Variants in STAP2 observed in about 807,000 individuals in gnomAD.
STAP2 encodes the protein signal-transducing adaptor protein 2.
A neutral mutation model predicts 52.7 loss-of-function variants in STAP2; 58 were observed. The observed-to-expected ratio is 1.10, with a 90% CI of 0.89 to 1.37. The LOEUF (loss-of-function observed/expected upper bound fraction) is 1.37. Among genes scored for constraint, STAP2 ranks in the 40% most tolerant of loss-of-function variants. The pLI, the probability that STAP2 is intolerant of heterozygous loss-of-function variation, is 0.00. For missense variants in STAP2, 522 were observed against 519.4 expected (o/e 1.00, Z -0.05); for synonymous variants, 231 against 210.5 (o/e 1.10, Z -0.84).
At chr19:4,329,417 C>A (rs1055854546) in intron 5 of STAP2, among the ~76,000 whole-genome samples, 1 of 151,972 alleles carries the variant, frequency 6.6e-6, no homozygotes, top group African/African-American at 2.4e-5. Flanking sequence ...GCTCTTAATT[C>A]TGGCCCCGGA....
In STAP2 at chr19:4,334,292, T is replaced by C. The variant is rs955990184; in HGVS notation, c.103-248A>G. Among the ~76,000 whole-genome samples the C allele has an allele frequency of 2.6e-5, 4 of 152,128 alleles. No homozygotes were observed. The South Asian group carries it at 8.3e-4, about 32-fold the overall frequency. ...AGGACCAGACGGAACCTCGATGTGA[T>C]GAGGGATTCAGAGCAACCCCCGCCA... On this transcript the variant is annotated intron_variant, in intron 1 of 12. Transcript: ENST00000594605.
Position 4,328,781 on chromosome 19 carries a change from C to T in STAP2, c.484G>A (p.Ala162Thr). ...SCFLKVSRLEAQLLLERYPEC... is the reference protein window; with the variant it reads ...SCFLKVSRLETQLLLERYPEC... ...GGGTAGCGCTCCAGGAGCAGTTGTG[C>T]CTCCAGCCGGCTCACCTTCAGGAAG... The change falls in exon 6 of 13, where the codon GCA becomes ACA. Residue 162 changes from alanine (A) to threonine (T), a missense_variant. Coordinates refer to ENST00000594605, the MANE Select transcript of STAP2 (RefSeq NM_001013841.2). The T allele has an allele frequency of 1.2e-6, 2 of 1,611,244 alleles. No homozygotes were observed. The highest frequency in any genetic ancestry group is 1.7e-6 in the Non-Finnish European group (2 of 1,179,228).
intron 6 of STAP2, chr19:4,328,153 C>T (rs1477114029): frequency 1.1e-5 from 2 of 183,256 alleles, no homozygotes; most frequent in Admixed American, 1.1e-4. Flanking sequence ...GGCCTGGGCT[C>T]TACCTTCTTC....
rs1312780052 is a variant in STAP2, at chr19:4,325,264, G to T, written c.1024C>A (p.Pro342Thr). ...WPVILKPKKLPKPPAKLPKPP... is the reference protein window; with the variant it reads ...WPVILKPKKLTKPPAKLPKPP... Reference sequence around the variant, plus strand: ...TTTGGAAGCTTGGCAGGAGGCTTTGGCAACTTCTTTGGCTTCAGGATGACT... The same window carrying T: ...TTTGGAAGCTTGGCAGGAGGCTTTGTCAACTTCTTTGGCTTCAGGATGACT... The change falls in exon 11 of 13, where the codon CCA (proline) becomes ACA (threonine). Residue 342 changes from proline (P) to threonine (T), a missense_variant. By Grantham distance (38) the Pro-to-Thr change is conservative (BLOSUM62 -1). Coordinates refer to ENST00000594605, the MANE Select transcript of STAP2 (RefSeq NM_001013841.2). 2 of 1,612,022 alleles carry T rather than the reference G, an allele frequency of 1.2e-6. No individual in the cohort carries two copies. The highest frequency in any genetic ancestry group is 1.7e-6 in the Non-Finnish European group (2 of 1,179,138).
At chr19:4,337,029 A>T (rs1293749174) in intron 1 of STAP2, among the ~76,000 whole-genome samples, 1 of 151,804 alleles carries the variant, frequency 6.6e-6, no homozygotes, top group Non-Finnish European at 1.5e-5. Context: ...AGGAAAGTCT[A>T]CTCCACTACA....
At chr19:4,324,228 G>T in intron 12 of STAP2, 31 bp from the exon 13 acceptor site, 1 of 1,548,156 alleles carries the variant, frequency 6.5e-7, no homozygotes. Flanking sequence ...GCTGCAGCTG[G>T]CTCAGGGATC....
intron 1 of STAP2, chr19:4,338,341 A>T (rs1165660860): frequency 5.2e-6 from 1 of 193,262 alleles, no homozygotes; most frequent in Non-Finnish European, 1.1e-5. Flanking sequence ...TTTGTATTCA[A>T]GAGAGTGAAC....
chr19:4,337,654 C>T (rs768252621), intron 1 of STAP2, among the ~76,000 whole-genome samples: 3 of 151,502 alleles, frequency 2.0e-5, no homozygotes, highest in African/African-American at 4.9e-5. Flanking sequence ...CAAGACCAGC[C>T]GGGCCAACAA....
intron 6 of STAP2, among the ~76,000 whole-genome samples, 186 bp downstream of exon 6, chr19:4,328,470 AATCCGCCCACCTCAGCTCT>A (rs1316431705): frequency 1.3e-4 from 7 of 54,282 alleles, no homozygotes; most frequent in Non-Finnish European, 2.4e-4. Context: ...CTCCTCCCCC[AATCCGCCCACCTCAGCTCT>A]GACTCCTCCC....
chr19:4,329,175 G>A (rs1359541860), intron 5 of STAP2, among the ~76,000 whole-genome samples: 1 of 151,944 alleles, frequency 6.6e-6, no homozygotes, highest in African/African-American at 2.4e-5. Flanking sequence ...ATGTTGGTCA[G>A]GCTGGTCTCA....
chr19:4,338,618 C>T, intron 1 of STAP2, 34 bp downstream of exon 1: 1 of 1,422,222 alleles, frequency 7.0e-7, no homozygotes, highest in East Asian at 3.1e-5. Context: ...CCCACGGTGG[C>T]CCAGCAGGGC....
intron 9 of STAP2, 70 bp from the exon 10 acceptor site, chr19:4,325,615 T>C: frequency 6.7e-7 from 1 of 1,484,782 alleles, no homozygotes; most frequent in Non-Finnish European, 9.0e-7. Flanking sequence ...GGCGGGGGGG[T>C]CTGTGTGCAT....
chr19:4,330,864 G>A (rs1265396170), intron 4 of STAP2, among the ~76,000 whole-genome samples: 4 of 151,568 alleles, frequency 2.6e-5, no homozygotes, highest in South Asian at 2.1e-4. Context: ...ACAGGCTCCC[G>A]CCACCACGCC....
intron 9 of STAP2, among the ~76,000 whole-genome samples, chr19:4,326,176 G>A (rs1289022243): frequency 6.6e-6 from 1 of 152,202 alleles, no homozygotes; most frequent in South Asian, 2.1e-4. Flanking sequence ...GTGCACGGAC[G>A]TATCTGCATT....
chr19:4,328,923 A>G lies in STAP2; in HGVS notation c.456-114T>C, dbSNP rs971967051. ...CATCCCCATCCCCTAGGCCCAGGAG[A>G]CCCTGCCCTGCTCTCCAGACCCAGG... is the stretch of plus-strand genomic sequence containing the variant. On this transcript the variant is annotated intron_variant, in intron 5 of 12. Transcript: ENST00000594605. The G allele has an allele frequency of 2.8e-6, 4 of 1,421,144 alleles. No individual in the cohort carries two copies. In the African/African-American group the frequency reaches 5.8e-5, roughly 20 times the overall value. 88.0% of individuals were successfully genotyped at this position (1,421,144 alleles called of 1,614,324 possible). A position where few individuals can be genotyped will look rare whatever the true frequency, so the allele number is the denominator to read the frequency against.
chr19:4,335,115 CCATA>C (rs1308949600), intron 1 of STAP2, among the ~76,000 whole-genome samples: 10 of 145,406 alleles, frequency 6.9e-5, no homozygotes, highest in Admixed American at 5.5e-4. Context: ...ATCCATCCAT[CCATA>C]CATCCATCCA....
intron 9 of STAP2, among the ~76,000 whole-genome samples, chr19:4,325,863 C>G (rs1193336594): frequency 2.6e-5 from 4 of 151,584 alleles, no homozygotes; most frequent in Non-Finnish European, 5.9e-5. Context: ...CGCAGCTACT[C>G]GGGGCTGAGG....
At chr19:4,331,877 A>T in intron 4 of STAP2, 145 bp downstream of exon 4, 1 of 692,482 alleles carries the variant, frequency 1.4e-6, no homozygotes, top group South Asian at 1.8e-5. Context: ...GCTTGCAGTG[A>T]GCCGAGATCG....
intron 3 of STAP2, 89 bp downstream of exon 3, chr19:4,333,605 C>T: frequency 6.7e-7 from 1 of 1,500,456 alleles, no homozygotes; most frequent in Non-Finnish European, 8.8e-7. Flanking sequence ...TACTACCTGC[C>T]CCTTCGTGGT....
Sources: allele counts gnomAD v4.1 joint callset (sites outside exome capture counted in the v4.1 genomes callset), GRCh38; gene constraint gnomAD v4.1.1; transcripts MANE v1.5; gene names NCBI Gene and HGNC (gene_info 2026-07-23, HGNC 2026-07-21).